Variants in TAB2 observed in about 807,000 individuals in gnomAD.
TAB2 encodes TGF-beta-activated kinase 1 and MAP3K7-binding protein 2.
TAB2 carries 3 observed loss-of-function variants against 65.0 expected under a neutral mutation model. The observed-to-expected ratio is 0.05, with a 90% confidence interval of 0.02 to 0.12. The LOEUF (loss-of-function observed/expected upper bound fraction) is 0.12, where lower values mean the gene tolerates loss of function less well. TAB2 is among the 10% of genes least tolerant of loss of function. The pLI, the probability that TAB2 is intolerant of heterozygous loss-of-function variation, is 1.00. For synonymous variants in TAB2, 298 were observed against 285.1 expected (o/e 1.05, Z -0.46); for missense variants, 623 against 840.3 (o/e 0.74, Z 3.20).
chr6:149,302,363 T>C (rs1181550345), intron 1 of TAB2, among the ~76,000 whole-genome samples: 1 of 152,226 alleles, frequency 6.6e-6, no homozygotes, highest in Non-Finnish European at 1.5e-5. Flanking sequence ...TATCTATGTA[T>C]ATTTTTGAAG....
At chr6:149,261,559 A>G (rs989336911) in intron 1 of TAB2, among the ~76,000 whole-genome samples, 4 of 152,250 alleles carry the variant, frequency 2.6e-5, no homozygotes, top group African/African-American at 4.8e-5. Flanking sequence ...CAAAGTCTCC[A>G]TAAGTGAAAG....
chr6:149,317,239 G>C (rs528431882), upstream of TAB2, among the ~76,000 whole-genome samples: 1 of 152,200 alleles, frequency 6.6e-6, no homozygotes, highest in African/African-American at 2.4e-5. The surrounding 1 kb of genome is among the most constrained non-coding windows in gnomAD (Gnocchi z 4.7). Context: ...AGGATGGGGG[G>C]CCCAGGCGGA....
chr6:149,292,675 T>C (rs1368061508), intron 1 of TAB2, among the ~76,000 whole-genome samples: 1 of 152,186 alleles, frequency 6.6e-6, no homozygotes, highest in African/African-American at 2.4e-5. Context: ...AGATGACATA[T>C]GTCAAAAAAT....
intron 1 of TAB2, among the ~76,000 whole-genome samples, chr6:149,361,318 G>T (rs1780842022): frequency 6.6e-6 from 1 of 152,152 alleles, no homozygotes; most frequent in African/African-American, 2.4e-5. Flanking sequence ...CTTCACTCTT[G>T]CACTGTGCAC....
At chr6:149,298,623 G>A (rs1459175245) in intron 1 of TAB2, among the ~76,000 whole-genome samples, 1 of 152,084 alleles carries the variant, frequency 6.6e-6, no homozygotes, top group Non-Finnish European at 1.5e-5. Flanking sequence ...AACAAAAAAA[G>A]ACTCCACTAT....
chr6:149,230,633 G>A (rs754626006), intron 1 of TAB2, among the ~76,000 whole-genome samples: 4 of 152,212 alleles, frequency 2.6e-5, no homozygotes, highest in Non-Finnish European at 5.9e-5. Flanking sequence ...TGTGATGCTT[G>A]ACTCCAGGTC....
intron 1 of TAB2, among the ~76,000 whole-genome samples, chr6:149,357,430 AACACACACACAC>A (rs1554261742): frequency 1.8e-5 from 2 of 111,146 alleles, no homozygotes; most frequent in East Asian, 3.1e-4. Flanking sequence ...AGAAAAAAAA[AACACACACACAC>A]ACACACACAC....
In TAB2 at chr6:149,234,809, T is replaced by A. The variant is rs553792342; in HGVS notation, c.-121+16033T>A. Among the ~76,000 whole-genome samples, 3 of 146,596 alleles carry A rather than the reference T, an allele frequency of 2.0e-5. No individual in the cohort carries two copies. The South Asian group carries it at 6.4e-4, about 31-fold the overall frequency. On this transcript the variant is annotated intron_variant, in intron 1 of 1. Transcript: ENST00000606202. ...TGATTTGAAGGAAACATCAAAGGCA[T>A]GTGTGCCAGATAAGTAGAAGATAAA...
chr6:149,302,117 A>G (rs1370255613), intron 1 of TAB2, among the ~76,000 whole-genome samples: 2 of 152,138 alleles, frequency 1.3e-5, no homozygotes, highest in African/African-American at 4.8e-5. Context: ...GTATTCAAAA[A>G]TATGTCCAAG....
chr6:149,333,517 A>G (rs531704642), intron 1 of TAB2, among the ~76,000 whole-genome samples: 2 of 152,172 alleles, frequency 1.3e-5, no homozygotes, highest in Non-Finnish European at 2.9e-5. Flanking sequence ...TCTTCTACGC[A>G]GTCCTTCTGC....
rs1782513185 is a variant in TAB2, at chr6:149,403,249, TATA to T, written c.1939+4066_1939+4068del. On this transcript the variant is annotated intron_variant, in intron 6 of 6. Transcript: ENST00000637181. Reference sequence around the variant, plus strand: ...AACTCTTGTCTAAAAAAAAAAAAAATATATATATATATATATATATATATATAT... The same window carrying T: ...AACTCTTGTCTAAAAAAAAAAAAAATTATATATATATATATATATATATAT... Among the ~76,000 whole-genome samples, 6 of 40,846 alleles carry T rather than the reference TATA, an allele frequency of 1.5e-4. 1 individual carries two copies. The South Asian group carries it at 4.9e-3, about 33-fold the overall frequency. The allele number at this position is 40,846 out of a possible 152,430, so 26.8% of individuals were successfully genotyped here.
chr6:149,343,471 CAAA>C (rs5880835), intron 1 of TAB2, among the ~76,000 whole-genome samples: 1 of 68,494 alleles, frequency 1.5e-5, no homozygotes. Flanking sequence ...GACTCCGTCT[CAAA>C]AAAAAAAAAA....
chr6:149,284,645 TACACACACACACACACACACACAC>T (rs59723819), intron 1 of TAB2, among the ~76,000 whole-genome samples: 11 of 141,630 alleles, frequency 7.8e-5, no homozygotes, highest in East Asian at 4.1e-4. Flanking sequence ...ATGATCTCTT[TACACACACACACACACACACACAC>T]ACACACACAC....
intron 3 of TAB2, among the ~76,000 whole-genome samples, chr6:149,391,595 A>G (rs1372140427): frequency 6.6e-6 from 1 of 152,058 alleles, no homozygotes; most frequent in Non-Finnish European, 1.5e-5. Context: ...GCTGTAGAGT[A>G]CAGTGGTGCT....
chr6:149,265,215 C>A, intron 1 of TAB2, among the ~76,000 whole-genome samples: 2 of 143,776 alleles, frequency 1.4e-5, no homozygotes, highest in African/African-American at 2.6e-5. Context: ...TTTTAAAGCA[C>A]AGCAGTTTCC....
chr6:149,358,515 C>T (rs1780742190), intron 1 of TAB2, among the ~76,000 whole-genome samples: 2 of 152,080 alleles, frequency 1.3e-5, no homozygotes, highest in African/African-American at 4.8e-5. Flanking sequence ...TCTAGTTATT[C>T]CTTTGTAGAT....
chr6:149,335,485 A>G (rs1364933180), intron 1 of TAB2, among the ~76,000 whole-genome samples: 1 of 151,896 alleles, frequency 6.6e-6, no homozygotes, highest in African/African-American at 2.4e-5. Flanking sequence ...CTCCCACCTT[A>G]GCCTCCCAAG....
intron 6 of TAB2, among the ~76,000 whole-genome samples, chr6:149,407,086 C>G (rs888067033): frequency 6.6e-6 from 1 of 152,136 alleles, no homozygotes; most frequent in Non-Finnish European, 1.5e-5. Context: ...TTAAATATAG[C>G]TGGAATACAA....
intron 1 of TAB2, among the ~76,000 whole-genome samples, chr6:149,319,718 A>G (rs745739289): frequency 9.9e-5 from 15 of 152,246 alleles, no homozygotes; most frequent in African/African-American, 3.1e-4. Context: ...GAATACGTCA[A>G]TTATAGATGA....
Sources: gnomAD v4.1 joint callset for allele counts (sites outside exome capture counted in the v4.1 genomes callset) on GRCh38, gnomAD v4.1.1 for gene constraint, Gnocchi (gnomAD v3.1) non-coding constraint, MANE v1.5 for transcripts, NCBI Gene and HGNC (gene_info 2026-07-23, HGNC 2026-07-21) for gene names.